VPS13A: variants seen among roughly 807,000 people sequenced by gnomAD.
The protein encoded by VPS13A is vacuolar protein sorting 13 homolog A.
Under a neutral mutation model 390.9 loss-of-function variants are expected in VPS13A, and 264 were observed. The observed-to-expected ratio is 0.68, with a 90% CI of 0.61 to 0.75. The LOEUF (loss-of-function observed/expected upper bound fraction) is 0.75. VPS13A is among the 30% of genes least tolerant of loss of function. The pLI is 0.00. For synonymous variants in VPS13A, 1,231 were observed against 1,227.1 expected, an observed-to-expected ratio of 1.00 and a Z score of -0.07; for missense variants, 3,409 against 3,733.9, an observed-to-expected ratio of 0.91 and a Z score of 2.27.
chr9:77,191,846 C>T (rs188165550), intron 1 of VPS13A, among the ~76,000 whole-genome samples: 14 of 152,190 alleles, frequency 9.2e-5, no homozygotes, highest in East Asian at 1.9e-4. Context: ...ATGAGAATAA[C>T]GTATATTCTG....
intron 68 of VPS13A, among the ~76,000 whole-genome samples, chr9:77,393,118 T>A (rs781206347): frequency 1.3e-5 from 2 of 152,220 alleles, no homozygotes; most frequent in Non-Finnish European, 2.9e-5. Flanking sequence ...ATCTAAATCC[T>A]TTGTTGTCAT....
chr9:77,186,017 A>G (rs920869614), intron 1 of VPS13A, among the ~76,000 whole-genome samples: 2 of 152,148 alleles, frequency 1.3e-5, no homozygotes, highest in Non-Finnish European at 2.9e-5. Context: ...AGTCTCAGCT[A>G]CTCAGGAGGC....
intron 3 of VPS13A, 28 bp from the exon 4 acceptor site, chr9:77,205,285 C>CTT: frequency 8.0e-7 from 1 of 1,251,040 alleles, no homozygotes; most frequent in East Asian, 2.4e-5. Flanking sequence ...TATTTTTTGT[C>CTT]CTTTTTTTTT....
chr9:77,248,241 A>C (rs1824939479), intron 20 of VPS13A, among the ~76,000 whole-genome samples: 1 of 149,968 alleles, frequency 6.7e-6, no homozygotes, highest in Admixed American at 6.7e-5. Context: ...TTTGAGACAG[A>C]GTCTGGCTCT....
intron 20 of VPS13A, 30 bp from the exon 21 acceptor site, chr9:77,250,067 A>G (rs747074581): frequency 1.4e-5 from 22 of 1,611,550 alleles, no homozygotes; most frequent in Admixed American, 1.2e-4. Context: ...AGTATTTTGC[A>G]TAGTCTAAAC....
chr9:77,307,354 G>A (rs560376117), intron 34 of VPS13A, among the ~76,000 whole-genome samples: 1 of 152,304 alleles, frequency 6.6e-6, no homozygotes, highest in South Asian at 2.1e-4. Flanking sequence ...TTCTTGGGAG[G>A]CTGAGGTCAG....
intron 10 of VPS13A, 50 bp from the exon 11 acceptor site, chr9:77,219,904 A>C (rs1225040082): frequency 2.5e-6 from 4 of 1,590,422 alleles, no homozygotes; most frequent in Non-Finnish European, 1.7e-6. Context: ...TATTGCCTTG[A>C]GACTTTGGAA....
chr9:77,253,034 TA>T (rs1825231362), intron 22 of VPS13A, among the ~76,000 whole-genome samples: 1 of 152,222 alleles, frequency 6.6e-6, no homozygotes, highest in African/African-American at 2.4e-5. Context: ...GTTCAGTGTT[TA>T]AGTTTTAGAG....
chr9:77,404,577 A>C (rs1834514810), intron 69 of VPS13A, among the ~76,000 whole-genome samples: 1 of 152,256 alleles, frequency 6.6e-6, no homozygotes, highest in Non-Finnish European at 1.5e-5. Flanking sequence ...ATCAGCATTA[A>C]GCAAAATCAG....
In VPS13A at chr9:77,332,116, A is replaced by G; in HGVS notation, c.6095+3A>G. ...AACATACCATTAGGATCTTACCGGT[A>G]TTTTGTCTTTATCATTTTATTTACT... is the stretch of plus-strand genomic sequence containing the variant. On this transcript the variant is annotated splice_donor_region_variant and intron_variant, in intron 46 of 71. Coordinates refer to ENST00000360280, the MANE Select transcript of VPS13A (RefSeq NM_033305.3). The G allele has an allele frequency of 6.2e-7, 1 of 1,601,986 alleles. No homozygotes were observed. The highest frequency in any genetic ancestry group is 8.5e-7 in the Non-Finnish European group (1 of 1,169,768).
In VPS13A at chr9:77,210,607, C is replaced by T. The variant is rs370541609; in HGVS notation, c.496-9C>T. The T allele has an allele frequency of 7.6e-5, 123 of 1,613,020 alleles. No homozygotes were observed. The highest frequency in any genetic ancestry group is 1.0e-4 in the Non-Finnish European group (119 of 1,179,600). On this transcript the variant is annotated splice_polypyrimidine_tract_variant and intron_variant, in intron 6 of 71. Coordinates refer to ENST00000360280, the MANE Select transcript of VPS13A (RefSeq NM_033305.3). ...AATCTGAATAAATTTTACTTTCTTT[C>T]CTCTTTAGATCACAAATCGGGACAA...
intron 31 of VPS13A, among the ~76,000 whole-genome samples, chr9:77,292,767 G>A (rs1399160445): frequency 1.3e-5 from 2 of 151,824 alleles, no homozygotes; most frequent in East Asian, 3.9e-4. Flanking sequence ...TCCTGTTGTC[G>A]CCACCATTTT....
chr9:77,351,480 C>A, intron 53 of VPS13A, 34 bp downstream of exon 53: 4 of 1,608,556 alleles, frequency 2.5e-6, no homozygotes, highest in South Asian at 1.1e-5. Context: ...TTCCCAGCAG[C>A]CTTTTTTAAA....
At chr9:77,314,239 A>G in intron 36 of VPS13A, 120 bp downstream of exon 36, 1 of 1,145,690 alleles carries the variant, frequency 8.7e-7, no homozygotes, top group Non-Finnish European at 1.2e-6. Flanking sequence ...CCTCTGAGAA[A>G]AATGATCTTT....
intron 31 of VPS13A, among the ~76,000 whole-genome samples, chr9:77,284,371 G>A (rs1239421195): frequency 1.3e-5 from 2 of 152,174 alleles, no homozygotes; most frequent in East Asian, 1.9e-4. Flanking sequence ...TAATACTGTA[G>A]TGATGAACTG....
chr9:77,348,958 C>T (rs540493626), intron 52 of VPS13A, among the ~76,000 whole-genome samples: 12 of 152,128 alleles, frequency 7.9e-5, no homozygotes, highest in African/African-American at 2.9e-4. Context: ...ATAATCAACA[C>T]ATTTACATTT....
At chr9:77,351,067 A>G (rs1276924843) in intron 52 of VPS13A, 2 of 377,780 alleles carry the variant, frequency 5.3e-6, no homozygotes, top group Non-Finnish European at 9.8e-6. Flanking sequence ...AAAATTGACA[A>G]AACAGTTTTA....
At chr9:77,246,804 A>G (rs910663336) in intron 19 of VPS13A, among the ~76,000 whole-genome samples, 2 of 152,124 alleles carry the variant, frequency 1.3e-5, no homozygotes, top group Non-Finnish European at 2.9e-5. Context: ...TTTGCATATG[A>G]TTTTATTGAA....
In VPS13A at chr9:77,318,271, A is replaced by G. The variant is rs1485177300; in HGVS notation, c.4993A>G (p.Thr1665Ala). 1 of 1,593,942 alleles carries G rather than the reference A, an allele frequency of 6.3e-7. No individual in the cohort carries two copies. The highest frequency in any genetic ancestry group is 1.4e-5 in the African/African-American group (1 of 73,444). ...PVIINTMITITSALYTTKETI... is the reference protein window; with the variant it reads ...PVIINTMITIASALYTTKETI... Reference sequence around the variant, plus strand: ...TATTATAAATACTATGATTACCATAACTTCAGCACTGTATACAACTAAGGA... The same window carrying G: ...TATTATAAATACTATGATTACCATAGCTTCAGCACTGTATACAACTAAGGA... The change falls in exon 41 of 72, where the codon ACT becomes GCT. Residue 1665 changes from threonine (T) to alanine (A), a missense_variant. This residue lies in a region of VPS13A where 2,717 missense variants were observed against 2,917.4 expected (regional missense o/e 0.93). Transcript: ENST00000360280.
Sources: allele counts gnomAD v4.1 joint callset (sites outside exome capture counted in the v4.1 genomes callset), GRCh38; gene constraint gnomAD v4.1.1; regional missense constraint gnomAD v4.1.1; transcripts MANE v1.5; gene names NCBI Gene and HGNC (gene_info 2026-07-23, HGNC 2026-07-21).